APBB2: variants seen among roughly 807,000 people sequenced by gnomAD.
APBB2 encodes the protein amyloid beta precursor protein binding family B member 2.
APBB2 carries 38 observed loss-of-function variants against 82.5 expected under a neutral mutation model. The observed-to-expected ratio is 0.46, with a 90% CI of 0.36 to 0.60. The LOEUF (loss-of-function observed/expected upper bound fraction) is 0.60. Among genes scored for constraint, APBB2 ranks in the 20% least tolerant of loss-of-function variants. The pLI, the probability that APBB2 is intolerant of heterozygous loss-of-function variation, is 0.00. For missense variants in APBB2, 772 were observed against 972.3 expected (o/e 0.79, Z 2.74); for synonymous variants, 341 against 368.2 (o/e 0.93, Z 0.85).
At chr4:41,170,116 A>C (rs913608172) in intron 1 of APBB2, among the ~76,000 whole-genome samples, 1 of 152,230 alleles carries the variant, frequency 6.6e-6, no homozygotes. Context: ...GTCTCTGCTA[A>C]GTGAGGTGTT....
chr4:40,875,847 A>T (rs1221185036), intron 12 of APBB2, among the ~76,000 whole-genome samples: 1 of 151,832 alleles, frequency 6.6e-6, no homozygotes, highest in Non-Finnish European at 1.5e-5. Context: ...CATTGCCAGT[A>T]GAACATTAAC....
intron 12 of APBB2, among the ~76,000 whole-genome samples, chr4:40,847,354 C>CA (rs1757968543): frequency 6.6e-6 from 1 of 152,108 alleles, no homozygotes; most frequent in Non-Finnish European, 1.5e-5. Context: ...CCCAGCTACT[C>CA]AGGAGGCTGA....
At chr4:40,898,843 ACACACACACACT>A (rs1281255356) in intron 10 of APBB2, among the ~76,000 whole-genome samples, 9 of 104,800 alleles carry the variant, frequency 8.6e-5, no homozygotes, top group African/African-American at 3.0e-4. Flanking sequence ...GAAAAAAGAA[ACACACACACACT>A]CACACACACA....
chr4:41,210,901 A>C (rs1030843960), intron 1 of APBB2, among the ~76,000 whole-genome samples: 1 of 152,258 alleles, frequency 6.6e-6, no homozygotes, highest in African/African-American at 2.4e-5. Context: ...ATTTATGCAT[A>C]GATGCTTACA....
At chr4:41,191,668 C>T (rs1774481356) in intron 1 of APBB2, among the ~76,000 whole-genome samples, 2 of 152,216 alleles carry the variant, frequency 1.3e-5, no homozygotes, top group Admixed American at 6.5e-5. Flanking sequence ...ATAAAGACTC[C>T]CAGAAGAGAA....
chr4:40,976,133 G>T (rs1213954471), intron 6 of APBB2, among the ~76,000 whole-genome samples: 1 of 151,892 alleles, frequency 6.6e-6, no homozygotes, highest in Non-Finnish European at 1.5e-5. Context: ...GGCTATTTTT[G>T]TTTCACATAA....
chr4:41,061,510 A>G lies in APBB2; in HGVS notation c.-51+4066T>C, dbSNP rs562145073. 4.1e-4 allele frequency among the ~76,000 whole-genome samples: 63 copies of G among 152,220 alleles called. 1 individual carries two copies. Among genetic ancestry groups the G allele is most frequent in the South Asian group, 6.2e-4 (3 of 4,818 alleles). ...TACCGCAGGCAAATGTGATACAATG[A>G]TAAGTATTTGGGCACCTAAACATAT... On this transcript the variant is annotated intron_variant, in intron 4 of 17. Transcript: ENST00000508593.
chr4:40,990,025 A>T (rs1335159905), intron 6 of APBB2: 1 of 152,268 alleles, frequency 6.6e-6, no homozygotes, highest in African/African-American at 2.4e-5. Context: ...CTGCTCCACA[A>T]GGGTTCTCAA....
chr4:41,100,947 C>T (rs552570390), intron 2 of APBB2, among the ~76,000 whole-genome samples, 197 bp from the exon 3 acceptor site: 2 of 152,128 alleles, frequency 1.3e-5, no homozygotes, highest in Admixed American at 1.3e-4. Context: ...GATGGCAGTT[C>T]GATCTGTCGC....
In APBB2 at chr4:41,076,253, T is replaced by C. The variant is rs80123045; in HGVS notation, c.-148-10580A>G. Among the ~76,000 whole-genome samples the C allele has an allele frequency of 8.9e-3, 1,360 of 152,022 alleles. 15 individuals carry two copies. Among genetic ancestry groups the C allele is most frequent in the East Asian group, 0.032 (167 of 5,174 alleles). On this transcript the variant is annotated intron_variant, in intron 3 of 17. Transcript: ENST00000508593. ...AAGTGTAAGTTAAGACACAGTTAAGTGGGGTTTGGATGAGAAGACAGGATG... is the reference window on the plus strand; with the variant it reads ...AAGTGTAAGTTAAGACACAGTTAAGCGGGGTTTGGATGAGAAGACAGGATG...
At chr4:41,178,203 A>G (rs959163257) in intron 1 of APBB2, among the ~76,000 whole-genome samples, 1 of 152,218 alleles carries the variant, frequency 6.6e-6, no homozygotes, top group Non-Finnish European at 1.5e-5. Flanking sequence ...AATTCCAAGT[A>G]AAGAAAAATA....
In APBB2 at chr4:41,106,232, T is replaced by G. The variant is rs932143679; in HGVS notation, c.-260-5482A>C. 2.0e-5 allele frequency among the ~76,000 whole-genome samples: 3 copies of G among 152,164 alleles called. No individual in the cohort carries two copies. In the East Asian group the frequency reaches 5.8e-4, roughly 29 times the overall value. On this transcript the variant is annotated intron_variant, in intron 2 of 17. Transcript: ENST00000508593. Reference sequence around the variant, plus strand: ...ATATTCTCAGGCTCTCTAAGTCACTTCTGGGGCAGAATTCCAATGTTATCT... The same window carrying G: ...ATATTCTCAGGCTCTCTAAGTCACTGCTGGGGCAGAATTCCAATGTTATCT...
At chr4:41,019,544 T>C (rs1810908683) in intron 5 of APBB2, among the ~76,000 whole-genome samples, 1 of 151,856 alleles carries the variant, frequency 6.6e-6, no homozygotes, top group Non-Finnish European at 1.5e-5. Context: ...GAAGGAAACT[T>C]AAAAAGGGAG....
At chr4:40,953,432 C>T (rs1308160668) in intron 6 of APBB2, among the ~76,000 whole-genome samples, 1 of 152,116 alleles carries the variant, frequency 6.6e-6, no homozygotes, top group Non-Finnish European at 1.5e-5. Context: ...ATGAGATCCA[C>T]AGCTGGCTTG....
intron 12 of APBB2, among the ~76,000 whole-genome samples, chr4:40,867,823 T>C (rs1261804780): frequency 6.6e-6 from 1 of 151,892 alleles, no homozygotes; most frequent in East Asian, 1.9e-4. Flanking sequence ...AGGGAGCTGA[T>C]CTAGGTTTTG....
intron 4 of APBB2, among the ~76,000 whole-genome samples, chr4:41,037,518 A>G (rs1284759675): frequency 6.6e-6 from 1 of 152,218 alleles, no homozygotes; most frequent in Non-Finnish European, 1.5e-5. Context: ...TAGGGTATTT[A>G]AAAGCTTTGC....
At chr4:40,891,093 A>G (rs1051786160) in intron 11 of APBB2, among the ~76,000 whole-genome samples, 3 of 152,186 alleles carry the variant, frequency 2.0e-5, no homozygotes, top group Admixed American at 6.5e-5. Flanking sequence ...TTGCCCTCTG[A>G]GGGCTTGGAT....
intron 5 of APBB2, among the ~76,000 whole-genome samples, chr4:41,023,878 G>T (rs62412137): frequency 0.046 from 6,978 of 152,130 alleles, 344 homozygotes; most frequent in African/African-American, 0.12. Flanking sequence ...GCCAAGGCAA[G>T]CCCAAGCAAA....
chr4:40,906,464 CAAAAAAAAAAAAAAAAAA>C (rs5857755), intron 10 of APBB2, among the ~76,000 whole-genome samples: 10 of 67,990 alleles, frequency 1.5e-4, no homozygotes, highest in African/African-American at 6.5e-4. Flanking sequence ...AAACCTGTCT[CAAAAAAAAAAAAAAAAAA>C]AAAAAAGAAA....
Sources: gnomAD v4.1 joint callset for allele counts (sites outside exome capture counted in the v4.1 genomes callset) on GRCh38, gnomAD v4.1.1 for gene constraint, MANE v1.5 for transcripts, NCBI Gene and HGNC (gene_info 2026-07-23, HGNC 2026-07-21) for gene names.